The following RALYL variants were observed in gnomAD, a reference collection of about 807,000 sequenced individuals.
The protein encoded by RALYL is RALY RNA binding protein like, also known as RNA-binding Raly-like protein.
A neutral mutation model predicts 35.1 loss-of-function variants in RALYL; 29 were observed. That is an observed-to-expected ratio of 0.83 (90% CI 0.61 to 1.13). RALYL has a LOEUF of 1.13. RALYL is among the 50% of genes most tolerant of loss of function. The pLI, the probability that RALYL is intolerant of heterozygous loss-of-function variation, is 0.00. For synonymous variants in RALYL, 120 were observed against 127.6 expected, an observed-to-expected ratio of 0.94 and a Z score of 0.40; for missense variants, 359 against 360.4, an observed-to-expected ratio of 1.00 and a Z score of 0.03.
At chr8:84,479,612 C>T (rs962590464) in intron 1 of RALYL, among the ~76,000 whole-genome samples, 1 of 152,062 alleles carries the variant, frequency 6.6e-6, no homozygotes, top group Non-Finnish European at 1.5e-5. Flanking sequence ...ACTATTATAT[C>T]GTTGGTATAT....
intron 1 of RALYL, among the ~76,000 whole-genome samples, chr8:84,285,768 A>G (rs1837482177): frequency 1.3e-5 from 2 of 152,218 alleles, no homozygotes. Context: ...GGAGTAAGCA[A>G]GGGAGAACAG....
chr8:84,858,225 A>C (rs898109781), intron 5 of RALYL, among the ~76,000 whole-genome samples: 12 of 152,184 alleles, frequency 7.9e-5, no homozygotes, highest in African/African-American at 2.4e-4. Context: ...TTAAATAAAG[A>C]AATTAAATTC....
At chr8:84,354,465 A>C (rs376616279) in intron 1 of RALYL, among the ~76,000 whole-genome samples, 1 of 150,392 alleles carries the variant, frequency 6.6e-6, no homozygotes, top group African/African-American at 2.5e-5. Context: ...TTCCAGCTTT[A>C]TCTGGAGTCA....
intron 5 of RALYL, among the ~76,000 whole-genome samples, chr8:84,854,412 A>G (rs1458076407): frequency 1.3e-5 from 2 of 152,192 alleles, no homozygotes; most frequent in African/African-American, 4.8e-5. Flanking sequence ...TCATATTGAC[A>G]TTCATACAGC....
intron 1 of RALYL, among the ~76,000 whole-genome samples, chr8:84,448,512 G>A (rs1325240880): frequency 6.6e-6 from 1 of 151,986 alleles, no homozygotes; most frequent in Non-Finnish European, 1.5e-5. Flanking sequence ...GAAGAGAGGT[G>A]ATGAAAAACC....
intron 2 of RALYL, among the ~76,000 whole-genome samples, chr8:84,636,778 G>A (rs766925604): frequency 3.2e-4 from 48 of 151,640 alleles, no homozygotes; most frequent in Non-Finnish European, 6.0e-4. Flanking sequence ...TTTATTACTG[G>A]GACTGATACA....
At chr8:84,588,845 G>A (rs1812569516) in intron 2 of RALYL, among the ~76,000 whole-genome samples, 1 of 152,058 alleles carries the variant, frequency 6.6e-6, no homozygotes, top group South Asian at 2.1e-4. Flanking sequence ...TATTCATAAA[G>A]AAGAGAGGTG....
At chr8:84,409,576 T>C (rs2043897187) in intron 1 of RALYL, among the ~76,000 whole-genome samples, 1 of 152,034 alleles carries the variant, frequency 6.6e-6, no homozygotes, top group East Asian at 1.9e-4. Flanking sequence ...TGAGGCCCAG[T>C]GAAAAGAAAT....
At chr8:84,855,859 T>A (rs1836858495) in intron 5 of RALYL, among the ~76,000 whole-genome samples, 1 of 152,208 alleles carries the variant, frequency 6.6e-6, no homozygotes, top group Admixed American at 6.5e-5. Flanking sequence ...TTTACTTCTA[T>A]GTAAAACACG....
intron 2 of RALYL, among the ~76,000 whole-genome samples, chr8:84,626,580 A>G (rs983922024): frequency 5.9e-5 from 9 of 152,210 alleles, no homozygotes; most frequent in Admixed American, 6.5e-5. Flanking sequence ...AGTATTCAGA[A>G]CCAGCTTCAG....
At chr8:84,437,868 T>C (rs2047909782) in intron 1 of RALYL, among the ~76,000 whole-genome samples, 1 of 152,124 alleles carries the variant, frequency 6.6e-6, no homozygotes, top group African/African-American at 2.4e-5. Context: ...ATTGTAAGTT[T>C]CCAGAGGCCT....
chr8:84,764,912 A>C (rs1813543704), intron 2 of RALYL, among the ~76,000 whole-genome samples: 1 of 152,232 alleles, frequency 6.6e-6, no homozygotes, highest in South Asian at 2.1e-4. Flanking sequence ...GATTGGCTCC[A>C]ATCTCAGATT....
At chr8:84,887,914 T>C (rs1843182448) in intron 8 of RALYL, 138 bp downstream of exon 8, 2 of 760,784 alleles carry the variant, frequency 2.6e-6, no homozygotes, top group Non-Finnish European at 2.1e-6. Flanking sequence ...AACATGAGTA[T>C]AGTGCTTTGC....
intron 2 of RALYL, among the ~76,000 whole-genome samples, chr8:84,596,973 CAAAA>C (rs200330223): frequency 6.6e-6 from 1 of 150,940 alleles, no homozygotes; most frequent in African/African-American, 2.4e-5. Context: ...GTTTAGGTGA[CAAAA>C]AAAATGATAG....
At chr8:84,334,633 T>C (rs960528721) in intron 1 of RALYL, among the ~76,000 whole-genome samples, 2 of 152,042 alleles carry the variant, frequency 1.3e-5, no homozygotes, top group African/African-American at 4.8e-5. Flanking sequence ...ACAGTGTTTA[T>C]ATAAATTTTA....
At chr8:84,223,222 CCT>C (rs1233924268) in intron 1 of RALYL, among the ~76,000 whole-genome samples, 15 of 54,816 alleles carry the variant, frequency 2.7e-4, no homozygotes, top group Admixed American at 8.7e-4. Context: ...CCTTCCCTTC[CCT>C]TCCCTTCCCT....
At chr8:84,817,606 A>G (rs1827648405) in intron 4 of RALYL, among the ~76,000 whole-genome samples, 1 of 151,690 alleles carries the variant, frequency 6.6e-6, no homozygotes, top group African/African-American at 2.4e-5. Flanking sequence ...CCCAGGTTGG[A>G]GTGCAGTGGT....
intron 1 of RALYL, among the ~76,000 whole-genome samples, chr8:84,367,084 A>C (rs1016867174): frequency 6.6e-6 from 1 of 150,684 alleles, no homozygotes; most frequent in Non-Finnish European, 1.5e-5. Context: ...CTACATAGCA[A>C]TTTTAGAGAA....
intron 8 of RALYL, among the ~76,000 whole-genome samples, chr8:84,893,156 G>A (rs1244094890): frequency 6.6e-6 from 1 of 152,082 alleles, no homozygotes; most frequent in Non-Finnish European, 1.5e-5. Flanking sequence ...AAATGGGGTT[G>A]GAACTTTACC....
Sources: gnomAD v4.1 joint callset for allele counts (sites outside exome capture counted in the v4.1 genomes callset) on GRCh38, gnomAD v4.1.1 for gene constraint, MANE v1.5 for transcripts, NCBI Gene and HGNC (gene_info 2026-07-23, HGNC 2026-07-21) for gene names.